The following SVIL variants were observed in gnomAD, a reference collection of about 807,000 sequenced individuals.
SVIL encodes the protein archvillin.
Under a neutral mutation model 240.4 loss-of-function variants are expected in SVIL, and 101 were observed. The observed-to-expected ratio is 0.42, with a 90% CI of 0.36 to 0.50. SVIL has a LOEUF of 0.50. Ranked by LOEUF, SVIL falls within the 20% of genes least tolerant of loss-of-function variation. SVIL has a pLI of 0.01. For missense variants in SVIL, 2,512 were observed against 2,818.7 expected (o/e 0.89, Z 2.46); for synonymous variants, 999 against 1,100.0 (o/e 0.91, Z 1.82).
In SVIL at chr10:29,697,671, A is replaced by T. The variant is rs1160106600; in HGVS notation, c.-399-11020T>A. Among the ~76,000 whole-genome samples the T allele has an allele frequency of 8.3e-5, 10 of 120,046 alleles. 3 individuals are homozygous for T. The highest frequency in any genetic ancestry group is 3.3e-4 in the African/African-American group (9 of 26,928). 78.8% of individuals were successfully genotyped at this position (120,046 alleles called of 152,430 possible). ...CCTAATCTCAAGTACCCAGGGACAC[A>T]AACACTCTGCCTAGGAAAACCAGAG... On this transcript the variant is annotated intron_variant, in intron 1 of 35. Coordinates refer to the SVIL transcript ENST00000375400.
At chr10:29,473,290 G>A (rs1248680719) in intron 30 of SVIL, among the ~76,000 whole-genome samples, 1 of 152,190 alleles carries the variant, frequency 6.6e-6, no homozygotes, top group Non-Finnish European at 1.5e-5. Context: ...TACAGGTGAT[G>A]GGCGTTCCCA....
Position 29,529,754 on chromosome 10 carries a change from T to G in SVIL, c.2197A>C (p.Arg733=). 4 of 1,613,644 alleles carry G rather than the reference T, an allele frequency of 2.5e-6. No homozygotes were observed. In the East Asian group the frequency reaches 8.9e-5, roughly 36 times the overall value. ...VEQRLRRLQD[R]SLTQPITTEE... is the part of the protein sequence containing the mutation. ...GTGGTGATGGGCTGGGTGAGGGACCTGTCCTGCAGACGGCGTAGCCTCTGC... is the reference window on the plus strand; with the variant it reads ...GTGGTGATGGGCTGGGTGAGGGACCGGTCCTGCAGACGGCGTAGCCTCTGC... The change falls in exon 12 of 38, where the codon AGG becomes CGG. Residue 733 remains arginine, a synonymous_variant. Coordinates refer to ENST00000355867, the MANE Select transcript of SVIL (RefSeq NM_021738.3).
At chr10:29,642,387 G>C (rs1004105437) in intron 3 of SVIL, among the ~76,000 whole-genome samples, 2 of 150,210 alleles carry the variant, frequency 1.3e-5, no homozygotes, top group Non-Finnish European at 3.0e-5. Context: ...GTGAGACTCT[G>C]CCTCAAAAAC....
chr10:29,506,765 G>A (rs571804733), intron 17 of SVIL, among the ~76,000 whole-genome samples: 17 of 149,508 alleles, frequency 1.1e-4, no homozygotes, highest in South Asian at 1.1e-3. Context: ...GGGGACAGAG[G>A]CCCTAGAGGG....
chr10:29,588,932 G>A (rs1018188445), intron 1 of SVIL, among the ~76,000 whole-genome samples: 7 of 143,056 alleles, frequency 4.9e-5, no homozygotes, highest in African/African-American at 1.8e-4. Context: ...TTTATTCCTT[G>A]TCCTTAAAAT....
intron 2 of SVIL, among the ~76,000 whole-genome samples, chr10:29,567,155 C>T (rs1410534459): frequency 1.3e-5 from 2 of 152,102 alleles, no homozygotes; most frequent in East Asian, 1.9e-4. Context: ...GAAGAGAATG[C>T]CCCCTGCTTC....
intron 2 of SVIL, among the ~76,000 whole-genome samples, chr10:29,565,867 TG>T (rs994278903): frequency 6.6e-6 from 1 of 152,170 alleles, no homozygotes; most frequent in African/African-American, 2.4e-5. Flanking sequence ...TACTCCAGCC[TG>T]GGAGACAGAG....
chr10:29,524,383 A>G, intron 14 of SVIL, 89 bp downstream of exon 14: 1 of 1,568,592 alleles, frequency 6.4e-7, no homozygotes, highest in South Asian at 1.2e-5. Context: ...AGAGCACCTT[A>G]ATTACATCAT....
In SVIL at chr10:29,607,960, G is replaced by A. The variant is rs115354863; in HGVS notation, c.-201+26460C>T. On this transcript the variant is annotated intron_variant, in intron 1 of 37. Coordinates refer to ENST00000355867, the MANE Select transcript of SVIL (RefSeq NM_021738.3). Reference sequence around the variant, plus strand: ...AGCTAAACTTTCTCTAATATGAGACGAATAATTTGTTATGAGATTAATGTA... The same window carrying A: ...AGCTAAACTTTCTCTAATATGAGACAAATAATTTGTTATGAGATTAATGTA... Among the ~76,000 whole-genome samples the A allele has an allele frequency of 8.8e-3, 1,344 of 152,336 alleles. 13 individuals carry two copies. Among genetic ancestry groups the A allele is most frequent in the South Asian group, 0.03 (144 of 4,830 alleles).
At chr10:29,506,930 G>A (rs892269650) in intron 17 of SVIL, among the ~76,000 whole-genome samples, 7 of 152,164 alleles carry the variant, frequency 4.6e-5, no homozygotes, top group Admixed American at 3.9e-4. Flanking sequence ...AAAGTGGATG[G>A]TGCCACTTTG....
chr10:29,541,757 G>C (rs184392735), intron 6 of SVIL, among the ~76,000 whole-genome samples: 1 of 151,580 alleles, frequency 6.6e-6, no homozygotes, highest in Admixed American at 6.6e-5. Context: ...TCGGGGACTT[G>C]ACAGCTTTCA....
Position 29,527,038 on chromosome 10 carries a change from C to G in SVIL, c.2265G>C (p.Ser755=). Reference sequence around the variant, plus strand: ...TTACAGGGTGGGTGCCCCCAGAACACGAAGCGGGGATAGGTTCACTTTAAA... The same window carrying G: ...TTACAGGGTGGGTGCCCCCAGAACAGGAAGCGGGGATAGGTTCACTTTAAA... ...VIAATEPIPA[S]CSGGTHPVMA... Residue 755 remains serine (S), a synonymous_variant, in exon 13 of 38, where the codon TCG becomes TCC. Coordinates refer to ENST00000355867, the MANE Select transcript of SVIL (RefSeq NM_021738.3). The G allele has an allele frequency of 6.2e-7, 1 of 1,613,764 alleles. No individual in the cohort carries two copies. Among genetic ancestry groups the G allele is most frequent in the South Asian group, 1.1e-5 (1 of 90,996 alleles).
chr10:29,718,346 T>C (rs1317674575), intron 1 of SVIL, among the ~76,000 whole-genome samples: 1 of 151,902 alleles, frequency 6.6e-6, no homozygotes, highest in Non-Finnish European at 1.5e-5. Flanking sequence ...AAAATTCGCC[T>C]GTTTCTTTTT....
intron 1 of SVIL, chr10:29,576,243 T>C (rs1955689751): frequency 2.6e-6 from 1 of 385,932 alleles, no homozygotes; most frequent in Non-Finnish European, 3.6e-6. Flanking sequence ...ATTACCCTTG[T>C]GCACTCTTCT....
chr10:29,673,867 C>A (rs773383983), intron 2 of SVIL, among the ~76,000 whole-genome samples: 1 of 152,110 alleles, frequency 6.6e-6, no homozygotes, highest in African/African-American at 2.4e-5. Flanking sequence ...TGTGTAGGTA[C>A]CAAGAAGTTC....
At chr10:29,700,063 A>G (rs1352061362) in intron 1 of SVIL, among the ~76,000 whole-genome samples, 3 of 152,234 alleles carry the variant, frequency 2.0e-5, no homozygotes, top group African/African-American at 7.2e-5. Context: ...CACACTAGAG[A>G]GTAAAAACAT....
At chr10:29,560,721 C>T (rs918305374) in intron 3 of SVIL, among the ~76,000 whole-genome samples, 1 of 151,874 alleles carries the variant, frequency 6.6e-6, no homozygotes, top group Non-Finnish European at 1.5e-5. Context: ...TGTGTTAAAT[C>T]AGAGAAACAA....
chr10:29,593,769 A>G (rs949288279), intron 1 of SVIL, among the ~76,000 whole-genome samples: 3 of 152,250 alleles, frequency 2.0e-5, no homozygotes, highest in Admixed American at 6.5e-5. Flanking sequence ...ATAATTTTTC[A>G]TAAGGAAAAT....
chr10:29,599,797 T>C (rs1445364799), intron 1 of SVIL, among the ~76,000 whole-genome samples: 11 of 152,098 alleles, frequency 7.2e-5, no homozygotes, highest in Non-Finnish European at 1.6e-4. Context: ...AGACAGGATA[T>C]GGGTGGCTCG....
Sources: gnomAD v4.1 joint callset for allele counts (sites outside exome capture counted in the v4.1 genomes callset) on GRCh38, gnomAD v4.1.1 for gene constraint, MANE v1.5 for transcripts, NCBI Gene and HGNC (gene_info 2026-07-23, HGNC 2026-07-21) for gene names.